Variants in RBFOX1 observed in about 807,000 individuals in gnomAD.
RBFOX1 encodes the protein RNA binding protein fox-1 homolog 1.
Under a neutral mutation model 57.7 loss-of-function variants are expected in RBFOX1, and 8 were observed. The observed-to-expected ratio is 0.14, with a 90% confidence interval of 0.08 to 0.25. The LOEUF (loss-of-function observed/expected upper bound fraction) is 0.25, where lower values mean the gene tolerates loss of function less well. Among genes scored for constraint, RBFOX1 ranks in the 10% least tolerant of loss-of-function variants. The probability of loss-of-function intolerance (pLI) is 1.00; values close to 1 mark genes in which losing one functional copy is unlikely to be tolerated. For synonymous variants in RBFOX1, 326 were observed against 222.4 expected, an observed-to-expected ratio of 1.47 and a Z score of -4.15; for missense variants, 611 against 548.5, an observed-to-expected ratio of 1.11 and a Z score of -1.14.
intron 1 of RBFOX1, among the ~76,000 whole-genome samples, chr16:5,411,608 A>G (rs1292818451): frequency 6.6e-6 from 1 of 152,142 alleles, no homozygotes; most frequent in Non-Finnish European, 1.5e-5. Context: ...AGCAACAGAA[A>G]ATTAGTAGTT....
chr16:6,749,778 C>A (rs2074550568), intron 3 of RBFOX1, among the ~76,000 whole-genome samples: 1 of 152,158 alleles, frequency 6.6e-6, no homozygotes, highest in Admixed American at 6.5e-5. Context: ...ACAGAGCAGC[C>A]TTATGATTAA....
At chr16:6,001,253 T>C (rs2060594943) in intron 4 of RBFOX1, among the ~76,000 whole-genome samples, 1 of 152,172 alleles carries the variant, frequency 6.6e-6, no homozygotes, top group Non-Finnish European at 1.5e-5. Flanking sequence ...GGTCCTGGAA[T>C]TCTGATAATT....
intron 3 of RBFOX1, among the ~76,000 whole-genome samples, chr16:6,966,153 G>C (rs1389493488): frequency 6.6e-6 from 1 of 152,150 alleles, no homozygotes; most frequent in African/African-American, 2.4e-5. Flanking sequence ...ACTAAAAGGA[G>C]ACATTTACGC....
At chr16:6,669,750 C>A (rs1003508057) in intron 3 of RBFOX1, among the ~76,000 whole-genome samples, 1 of 152,040 alleles carries the variant, frequency 6.6e-6, no homozygotes, top group African/African-American at 2.4e-5. Context: ...CTTTGGAGGA[C>A]AGAACCTTCA....
chr16:7,322,790 C>T (rs993509037), intron 4 of RBFOX1, among the ~76,000 whole-genome samples: 1 of 152,160 alleles, frequency 6.6e-6, no homozygotes, highest in Admixed American at 6.5e-5. Flanking sequence ...CTCAGCTTCA[C>T]AAAAAAAGGG....
intron 3 of RBFOX1, among the ~76,000 whole-genome samples, chr16:6,804,031 G>T (rs1159306182): frequency 6.6e-6 from 1 of 151,280 alleles, no homozygotes; most frequent in Non-Finnish European, 1.5e-5. Context: ...TTTCGAGATG[G>T]AGTCTTGCAC....
chr16:5,713,762 T>A (rs1021549813), intron 3 of RBFOX1, among the ~76,000 whole-genome samples: 1 of 152,120 alleles, frequency 6.6e-6, no homozygotes, highest in African/African-American at 2.4e-5. Flanking sequence ...ACTGCCCCCC[T>A]CCCTGGAACA....
intron 1 of RBFOX1, among the ~76,000 whole-genome samples, chr16:5,322,872 A>G (rs994658990): frequency 1.3e-5 from 2 of 152,198 alleles, no homozygotes; most frequent in Non-Finnish European, 2.9e-5. Flanking sequence ...CACCTGTCAT[A>G]CTGATTGTTT....
At chr16:6,539,977 C>G (rs2096790801) in intron 2 of RBFOX1, among the ~76,000 whole-genome samples, 1 of 152,152 alleles carries the variant, frequency 6.6e-6, no homozygotes, top group Admixed American at 6.5e-5. Context: ...TTACCAATGT[C>G]TTAACAGAAA....
chr16:7,156,623 A>C (rs558591191), intron 4 of RBFOX1, among the ~76,000 whole-genome samples: 1 of 152,114 alleles, frequency 6.6e-6, no homozygotes, highest in African/African-American at 2.4e-5. Flanking sequence ...ATGTATATAC[A>C]TATGCTGGAA....
intron 2 of RBFOX1, among the ~76,000 whole-genome samples, chr16:5,535,488 C>T (rs2044657651): frequency 6.6e-6 from 1 of 152,190 alleles, no homozygotes; most frequent in African/African-American, 2.4e-5. Flanking sequence ...AAAGCAGTCC[C>T]CAGTCCCAAG....
chr16:6,515,660 T>C (rs1489606839), intron 2 of RBFOX1, among the ~76,000 whole-genome samples: 2 of 152,210 alleles, frequency 1.3e-5, no homozygotes, highest in Non-Finnish European at 2.9e-5. Flanking sequence ...ATAATCTCTT[T>C]AATCTGCCTG....
chr16:6,261,827 C>G (rs372440049), intron 1 of RBFOX1, among the ~76,000 whole-genome samples: 42 of 151,626 alleles, frequency 2.8e-4, no homozygotes, highest in Admixed American at 2.6e-3. Flanking sequence ...GAAACCCCGT[C>G]TTTACTAAAA....
chr16:5,657,301 A>G (rs145531239), intron 3 of RBFOX1, among the ~76,000 whole-genome samples: 83 of 152,368 alleles, frequency 5.4e-4, no homozygotes, highest in African/African-American at 1.9e-3. Context: ...TAGTTAATGT[A>G]TAAACAATTT....
intron 4 of RBFOX1, among the ~76,000 whole-genome samples, chr16:7,169,915 A>G (rs936627801): frequency 6.6e-6 from 1 of 152,046 alleles, no homozygotes; most frequent in African/African-American, 2.4e-5. Flanking sequence ...TACAAAAAAA[A>G]TAAAAAAAAT....
intron 3 of RBFOX1, among the ~76,000 whole-genome samples, chr16:6,790,214 TCGC>T (rs2082685048): frequency 6.7e-6 from 1 of 148,552 alleles, no homozygotes; most frequent in African/African-American, 2.5e-5. Context: ...TGACAGACTC[TCGC>T]TCTGTCAGCC....
chr16:7,220,189 A>T (rs890988453), intron 4 of RBFOX1, among the ~76,000 whole-genome samples: 33 of 152,118 alleles, frequency 2.2e-4, no homozygotes, highest in African/African-American at 8.0e-4. Context: ...GCAGGAGGAA[A>T]ATTCTTGACA....
intron 4 of RBFOX1, among the ~76,000 whole-genome samples, chr16:7,150,300 T>C (rs2075862816): frequency 6.6e-6 from 1 of 152,236 alleles, no homozygotes; most frequent in Non-Finnish European, 1.5e-5. Flanking sequence ...CTTAATTCTT[T>C]ATGGACCTCT....
rs142506899 is a variant in RBFOX1, at chr16:7,137,404, T to C, written c.27+85306T>C. ...GGTAGTTTCCCCCATACTGTTCTCG[T>C]GGTAGCGAGTAAGTCTGATGAGATC... On this transcript the variant is annotated intron_variant, in intron 4 of 15. Coordinates refer to ENST00000550418, the MANE Select transcript of RBFOX1 (RefSeq NM_018723.4). Among the ~76,000 whole-genome samples the C allele has an allele frequency of 3.0e-3, 460 of 152,246 alleles. 5 individuals carry two copies. The highest frequency in any genetic ancestry group is 0.01 in the African/African-American group (422 of 41,568).
Sources: gnomAD v4.1 joint callset for allele counts (sites outside exome capture counted in the v4.1 genomes callset) on GRCh38, gnomAD v4.1.1 for gene constraint, MANE v1.5 for transcripts, NCBI Gene and HGNC (gene_info 2026-07-23, HGNC 2026-07-21) for gene names.